SLC24A2: variants seen among roughly 807,000 people sequenced by gnomAD.
SLC24A2 encodes the protein solute carrier family 24 member 2, also known as sodium/potassium/calcium exchanger 2.
SLC24A2 carries 36 observed loss-of-function variants against 62.0 expected under a neutral mutation model. The observed-to-expected ratio is 0.58, with a 90% confidence interval of 0.44 to 0.77. The LOEUF (loss-of-function observed/expected upper bound fraction) is 0.77. Ranked by LOEUF, SLC24A2 falls within the 30% of genes least tolerant of loss-of-function variation. SLC24A2 has a pLI of 0.00. For missense variants in SLC24A2, 846 were observed against 817.9 expected, an observed-to-expected ratio of 1.03 and a Z score of -0.42; for synonymous variants, 358 against 294.0, an observed-to-expected ratio of 1.22 and a Z score of -2.23.
chr9:20,004,707 TGA>T, the SLC24A2 span, among the ~76,000 whole-genome samples: 1 of 152,210 alleles, frequency 6.6e-6, no homozygotes, highest in Non-Finnish European at 1.5e-5. Context: ...CATGGCAATA[TGA>T]TATATCTTGT....
At chr9:19,552,650 G>A (rs1293468197) in intron 7 of SLC24A2, among the ~76,000 whole-genome samples, 1 of 152,072 alleles carries the variant, frequency 6.6e-6, no homozygotes, top group East Asian at 1.9e-4. Context: ...CCACAATCTA[G>A]CAACTTTTCT....
At chr9:19,951,187 C>T in the SLC24A2 span, among the ~76,000 whole-genome samples, 2 of 151,498 alleles carry the variant, frequency 1.3e-5, no homozygotes, top group African/African-American at 4.9e-5. Context: ...CCAAATCTTC[C>T]ACCAATTTCT....
the SLC24A2 span, among the ~76,000 whole-genome samples, chr9:20,012,101 T>C: frequency 1.5e-4 from 23 of 152,296 alleles, no homozygotes; most frequent in South Asian, 1.2e-3. Flanking sequence ...TGGTGAAAAG[T>C]TGAAAGGTTT....
At chr9:19,690,582 T>G (rs1280748768) in intron 2 of SLC24A2, among the ~76,000 whole-genome samples, 2 of 152,114 alleles carry the variant, frequency 1.3e-5, no homozygotes, top group South Asian at 2.1e-4. Flanking sequence ...AAAAGCAAAG[T>G]TGAATGCAGA....
chr9:20,106,793 C>G, the SLC24A2 span, among the ~76,000 whole-genome samples: 1 of 152,076 alleles, frequency 6.6e-6, no homozygotes, highest in Non-Finnish European at 1.5e-5. Flanking sequence ...TGGCACAAGA[C>G]AGGGATGCCC....
chr9:19,817,093 T>C, the SLC24A2 span, among the ~76,000 whole-genome samples: 1 of 152,242 alleles, frequency 6.6e-6, no homozygotes, highest in Non-Finnish European at 1.5e-5. Context: ...GTACAGAATT[T>C]GGAGAAGCAC....
In SLC24A2 at chr9:19,511,342, G is replaced by A. The variant is rs551427016; in HGVS notation, c.*4811C>T. ...TAACAGTAAATAGAAGGTGGAATAGGGCAGGGTTACTTTTCTTACCCAAGG... is the reference window on the plus strand; with the variant it reads ...TAACAGTAAATAGAAGGTGGAATAGAGCAGGGTTACTTTTCTTACCCAAGG... On this transcript the variant is annotated 3_prime_UTR_variant, in exon 11 of 11. Coordinates refer to ENST00000341998, the MANE Select transcript of SLC24A2 (RefSeq NM_020344.4). 1 of 151,916 alleles carries A rather than the reference G, an allele frequency of 6.6e-6. No individual in the cohort carries two copies. The highest frequency in any genetic ancestry group is 1.5e-5 in the Non-Finnish European group (1 of 67,948). The allele number at this position is 151,916 out of a possible 1,614,324, so 9.4% of individuals were successfully genotyped here.
chr9:19,548,806 C>T (rs939551319), intron 8 of SLC24A2, among the ~76,000 whole-genome samples: 23 of 152,232 alleles, frequency 1.5e-4, no homozygotes, highest in African/African-American at 5.3e-4. Flanking sequence ...TCATTGCTCC[C>T]GCCAAGGGCC....
the SLC24A2 span, among the ~76,000 whole-genome samples, chr9:20,063,603 T>A: frequency 6.6e-6 from 1 of 152,052 alleles, no homozygotes; most frequent in Non-Finnish European, 1.5e-5. Context: ...GTAACTAACC[T>A]GCACATTGTG....
the SLC24A2 span, among the ~76,000 whole-genome samples, chr9:19,871,590 A>G: frequency 2.0e-5 from 3 of 152,138 alleles, no homozygotes; most frequent in Non-Finnish European, 2.9e-5. Context: ...TCATATTTGT[A>G]TATGTGTGTG....
the SLC24A2 span, among the ~76,000 whole-genome samples, chr9:19,966,072 T>A: frequency 6.6e-6 from 1 of 152,208 alleles, no homozygotes; most frequent in Admixed American, 6.5e-5. Context: ...AACAGATGCA[T>A]AATTTACCGG....
At chr9:20,213,403 A>G in the SLC24A2 span, among the ~76,000 whole-genome samples, 1 of 149,206 alleles carries the variant, frequency 6.7e-6, no homozygotes, top group Admixed American at 6.6e-5. Flanking sequence ...ATAAACATTA[A>G]GTTTAAGAAG....
intron 7 of SLC24A2, among the ~76,000 whole-genome samples, chr9:19,552,083 T>C (rs1332375677): frequency 3.3e-5 from 5 of 152,172 alleles, no homozygotes; most frequent in Non-Finnish European, 7.3e-5. Flanking sequence ...CCTGGATCCT[T>C]TTTAAATATA....
the SLC24A2 span, among the ~76,000 whole-genome samples, chr9:19,816,011 T>A: frequency 1.3e-5 from 2 of 149,766 alleles, no homozygotes; most frequent in South Asian, 4.3e-4. Flanking sequence ...ATTTCCTGAT[T>A]GCTTTGATGG....
chr9:20,179,032 G>C, the SLC24A2 span, among the ~76,000 whole-genome samples: 257 of 152,176 alleles, frequency 1.7e-3, 1 homozygote, highest in African/African-American at 6.0e-3. Context: ...AAATTCCCTT[G>C]CATATGGCAG....
At chr9:19,699,119 C>T (rs879277316) in intron 2 of SLC24A2, among the ~76,000 whole-genome samples, 2 of 152,078 alleles carry the variant, frequency 1.3e-5, no homozygotes, top group East Asian at 1.9e-4. Context: ...TTCCCAGACT[C>T]GGGGGTTCTG....
At chr9:20,079,664 T>C in the SLC24A2 span, among the ~76,000 whole-genome samples, 40 of 152,326 alleles carry the variant, frequency 2.6e-4, 1 homozygote, top group East Asian at 6.6e-3. Flanking sequence ...GTCTGTGGGA[T>C]AAATTCTCAG....
the SLC24A2 span, among the ~76,000 whole-genome samples, chr9:20,189,940 G>A: frequency 6.6e-6 from 1 of 152,170 alleles, no homozygotes; most frequent in African/African-American, 2.4e-5. Context: ...GAGGGGAGGG[G>A]AGATGGGCTA....
chr9:20,228,595 A>G, the SLC24A2 span, among the ~76,000 whole-genome samples: 1,005 of 152,230 alleles, frequency 6.6e-3, 11 homozygotes, highest in East Asian at 0.028. Flanking sequence ...GAGTTTCTTC[A>G]GAAGTTCTCT....
Sources: gnomAD v4.1 joint callset for allele counts (sites outside exome capture counted in the v4.1 genomes callset) on GRCh38, gnomAD v4.1.1 for gene constraint, MANE v1.5 for transcripts, NCBI Gene and HGNC (gene_info 2026-07-23, HGNC 2026-07-21) for gene names.